The following EYS variants were observed in gnomAD, a reference collection of about 807,000 sequenced individuals.
EYS encodes EGF-like photoreceptor maintenance factor, also known as protein eyes shut homolog.
In EYS, 250 loss-of-function variants were observed where a neutral mutation model predicts 282.1. The observed-to-expected ratio is 0.89, with a 90% CI of 0.80 to 0.98. EYS has a LOEUF of 0.98. Ranked by LOEUF, EYS falls within the 50% of genes least tolerant of loss-of-function variation. The probability of loss-of-function intolerance (pLI) is 0.00; values close to 1 mark genes in which losing one functional copy is unlikely to be tolerated. For missense variants in EYS, 4,016 were observed against 3,709.0 expected (o/e 1.08, Z -2.15); for synonymous variants, 1,355 against 1,282.9 (o/e 1.06, Z -1.20).
intron 26 of EYS, among the ~76,000 whole-genome samples, chr6:64,518,785 C>CCCA (rs371498939): frequency 1.6e-4 from 23 of 146,362 alleles, no homozygotes; most frequent in Admixed American, 5.4e-4. Flanking sequence ...AAGGGGCCCC[C>CCCA]CCCTTCTCAG....
intron 12 of EYS, among the ~76,000 whole-genome samples, chr6:65,231,169 A>AC (rs1480930464): frequency 1.3e-3 from 33 of 26,190 alleles, no homozygotes; most frequent in South Asian, 7.0e-3. Flanking sequence ...TTATATATAT[A>AC]TTTTATATAT....
chr6:64,191,195 C>G (rs915771711), intron 31 of EYS, among the ~76,000 whole-genome samples: 1 of 151,716 alleles, frequency 6.6e-6, no homozygotes, highest in African/African-American at 2.4e-5. Context: ...GCATTTTTGT[C>G]TCATTTATCT....
At chr6:64,078,224 A>T (rs1240103741) in intron 32 of EYS, among the ~76,000 whole-genome samples, 2 of 152,086 alleles carry the variant, frequency 1.3e-5, no homozygotes, top group African/African-American at 2.4e-5. Flanking sequence ...GTTGAACTGA[A>T]ATATTTAGGA....
At chr6:63,847,977 A>G (rs1772142999) in intron 36 of EYS, among the ~76,000 whole-genome samples, 1 of 152,184 alleles carries the variant, frequency 6.6e-6, no homozygotes, top group Non-Finnish European at 1.5e-5. Context: ...ATCAAAACAA[A>G]CCGAGTGATA....
At chr6:65,453,748 T>C (rs1219244325) in intron 5 of EYS, among the ~76,000 whole-genome samples, 1 of 152,040 alleles carries the variant, frequency 6.6e-6, no homozygotes, top group Admixed American at 6.6e-5. Context: ...TCTTTTATTT[T>C]AGATACCAGG....
intron 12 of EYS, among the ~76,000 whole-genome samples, chr6:65,144,641 A>G (rs113083107): frequency 0.01 from 1,568 of 152,266 alleles, 31 homozygotes; most frequent in African/African-American, 0.036. Context: ...CCATGATCAT[A>G]ATTCATTGAT....
intron 19 of EYS, among the ~76,000 whole-genome samples, chr6:64,864,989 G>A (rs538399189): frequency 2.4e-4 from 36 of 152,096 alleles, no homozygotes; most frequent in African/African-American, 6.7e-4. Context: ...CCTAGATAGC[G>A]CCATTGCACT....
At chr6:64,232,386 ATTG>A (rs1480011822) in intron 30 of EYS, among the ~76,000 whole-genome samples, 1 of 151,168 alleles carries the variant, frequency 6.6e-6, no homozygotes, top group East Asian at 1.9e-4. Context: ...ACTTTCTGTT[ATTG>A]TTGTTGTTTG....
intron 31 of EYS, among the ~76,000 whole-genome samples, chr6:64,141,719 CTAATTT>C (rs1774343721): frequency 6.6e-6 from 1 of 151,964 alleles, no homozygotes; most frequent in African/African-American, 2.4e-5. Context: ...GATCTATAGC[CTAATTT>C]TAATTTATAA....
intron 12 of EYS, among the ~76,000 whole-genome samples, chr6:65,085,990 C>T (rs1041610915): frequency 6.6e-6 from 1 of 150,998 alleles, no homozygotes; most frequent in African/African-American, 2.4e-5. Flanking sequence ...TTTTTGTCTT[C>T]TGGAGTACCT....
At chr6:64,886,628 T>C (rs1047086913) in intron 19 of EYS, 69 bp downstream of exon 19, 142 of 1,303,788 alleles carry the variant, frequency 1.1e-4, no homozygotes, top group Non-Finnish European at 1.3e-4. Flanking sequence ...TTTTGGAGTA[T>C]AAATATGAGG....
intron 19 of EYS, among the ~76,000 whole-genome samples, chr6:64,845,329 G>C (rs995289888): frequency 2.0e-5 from 3 of 151,762 alleles, no homozygotes; most frequent in Non-Finnish European, 4.4e-5. Flanking sequence ...TATATAATTA[G>C]AATCCATTCT....
intron 1 of EYS, among the ~76,000 whole-genome samples, chr6:65,662,016 A>G (rs1181562761): frequency 6.6e-6 from 1 of 152,148 alleles, no homozygotes; most frequent in African/African-American, 2.4e-5. Context: ...GAGATTAGAC[A>G]GTAGGGAAGA....
At chr6:65,456,134 C>T (rs752007598) in intron 5 of EYS, among the ~76,000 whole-genome samples, 1 of 151,802 alleles carries the variant, frequency 6.6e-6, no homozygotes. Flanking sequence ...CAGCAATATC[C>T]TAAAAAATTC....
At chr6:64,362,301 T>G (rs1268230528) in intron 29 of EYS, among the ~76,000 whole-genome samples, 1 of 151,860 alleles carries the variant, frequency 6.6e-6, no homozygotes, top group African/African-American at 2.4e-5. Flanking sequence ...TCATATACTC[T>G]AATTTTAATA....
At chr6:64,669,404 A>C (rs1424344025) in intron 22 of EYS, among the ~76,000 whole-genome samples, 2 of 151,220 alleles carry the variant, frequency 1.3e-5, no homozygotes, top group Non-Finnish European at 3.0e-5. Flanking sequence ...GGAAAGATGA[A>C]GAGAGAGAGA....
At chr6:64,594,047 C>T (rs148319780) in intron 24 of EYS, among the ~76,000 whole-genome samples, 182 of 152,120 alleles carry the variant, frequency 1.2e-3, no homozygotes, top group African/African-American at 4.1e-3. Flanking sequence ...TAAAGACATA[C>T]CTAATAGGCA....
At chr6:64,499,346 C>T (rs780869922) in intron 26 of EYS, among the ~76,000 whole-genome samples, 3 of 152,118 alleles carry the variant, frequency 2.0e-5, no homozygotes, top group Non-Finnish European at 2.9e-5. Flanking sequence ...TTAATTCAAC[C>T]GAACAGAAAA....
chr6:65,167,912 T>G (rs1356958441), intron 12 of EYS, among the ~76,000 whole-genome samples: 1 of 151,358 alleles, frequency 6.6e-6, no homozygotes, highest in East Asian at 2.0e-4. Context: ...GTTTCTATAT[T>G]TTGTTTGTGA....
Sources: allele counts gnomAD v4.1 joint callset (sites outside exome capture counted in the v4.1 genomes callset), GRCh38; gene constraint gnomAD v4.1.1; transcripts MANE v1.5; gene names NCBI Gene and HGNC (gene_info 2026-07-23, HGNC 2026-07-21).